ADAMTSL3: variants seen among roughly 807,000 people sequenced by gnomAD.
The protein encoded by ADAMTSL3 is ADAMTS like 3.
ADAMTSL3 carries 128 observed loss-of-function variants against 201.7 expected under a neutral mutation model. The observed-to-expected ratio is 0.63, with a 90% confidence interval of 0.55 to 0.73. The LOEUF is 0.73. Among genes scored for constraint, ADAMTSL3 ranks in the 30% least tolerant of loss-of-function variants. The probability of loss-of-function intolerance (pLI) is 0.00; values close to 1 mark genes in which losing one functional copy is unlikely to be tolerated. For missense variants in ADAMTSL3, 1,990 were observed against 2,119.6 expected, an observed-to-expected ratio of 0.94 and a Z score of 1.20; for synonymous variants, 738 against 748.4, an observed-to-expected ratio of 0.99 and a Z score of 0.23.
intron 3 of ADAMTSL3, among the ~76,000 whole-genome samples, chr15:83,736,125 CAG>C (rs56740573): frequency 0.014 from 2,166 of 152,298 alleles, 52 homozygotes; most frequent in African/African-American, 0.046. Flanking sequence ...TGTTCATAAA[CAG>C]GGGAAAGTGG....
intron 29 of ADAMTSL3, 72 bp downstream of exon 29, chr15:84,037,059 C>T (rs1248808460): frequency 1.6e-5 from 24 of 1,459,120 alleles, no homozygotes; most frequent in East Asian, 4.6e-5. Context: ...GCTACCATCA[C>T]GGCACCAAAC....
intron 3 of ADAMTSL3, 103 bp from the exon 4 acceptor site, chr15:83,773,419 AG>A: frequency 7.9e-7 from 1 of 1,265,770 alleles, no homozygotes; most frequent in Non-Finnish European, 1.1e-6. Flanking sequence ...AAAAAAAAAA[AG>A]GTGACTCTGG....
intron 2 of ADAMTSL3, among the ~76,000 whole-genome samples, chr15:83,659,081 T>A (rs1037363244): frequency 3.9e-5 from 6 of 152,328 alleles, no homozygotes; most frequent in African/African-American, 1.4e-4. Flanking sequence ...CGGGAGGTGC[T>A]GTACTGTTTA....
rs1371596583 is a variant in ADAMTSL3, at chr15:83,899,619, C to T, written c.1616-28C>T. 3.1e-6 allele frequency: 5 copies of T among 1,598,754 alleles called. No individual in the cohort carries two copies. In the Admixed American group the frequency reaches 6.7e-5, roughly 22 times the overall value. ...TCCTTAATGATTAATAGTAATTAGG[C>T]TCATTGTTTATGTTCTCTTTTTCTT... On this transcript the variant is annotated intron_variant, in intron 14 of 29. Transcript: ENST00000286744.
At chr15:83,657,234 T>G (rs2061099622) in intron 2 of ADAMTSL3, among the ~76,000 whole-genome samples, 1 of 152,150 alleles carries the variant, frequency 6.6e-6, no homozygotes, top group Non-Finnish European at 1.5e-5. Flanking sequence ...TCATTTTGCC[T>G]TCTTTCACCT....
chr15:84,027,018 T>C (rs1375959924), intron 27 of ADAMTSL3, among the ~76,000 whole-genome samples: 1 of 152,162 alleles, frequency 6.6e-6, no homozygotes, highest in Non-Finnish European at 1.5e-5. Context: ...TTAAAAATTG[T>C]ATATCAAAAA....
intron 16 of ADAMTSL3, among the ~76,000 whole-genome samples, chr15:83,920,535 T>C (rs1216418581): frequency 6.6e-6 from 1 of 152,232 alleles, no homozygotes; most frequent in Non-Finnish European, 1.5e-5. Flanking sequence ...TTTTCATTAC[T>C]CGGGACTTTA....
chr15:84,016,364 T>C lies in ADAMTSL3; in HGVS notation c.4157-19T>C. 1 of 1,578,892 alleles carries C rather than the reference T, an allele frequency of 6.3e-7. No homozygotes were observed. On this transcript the variant is annotated intron_variant, in intron 24 of 29. Coordinates refer to ENST00000286744, the MANE Select transcript of ADAMTSL3 (RefSeq NM_207517.3). Reference sequence around the variant, plus strand: ...GATAATGTCTAACTGGTAAAAGTGCTACTTTTTTTTTTCCTCAGAACGAAG... The same window carrying C: ...GATAATGTCTAACTGGTAAAAGTGCCACTTTTTTTTTTCCTCAGAACGAAG...
rs1567154149 is a variant in ADAMTSL3 at position 83,801,673 on chromosome 15, T to TAC, written c.318-2976_318-2975insCA. ...ATAAATATATATATATATATATATATATATATATATATATATATATATGTA... is the reference window on the plus strand; with the variant it reads ...ATAAATATATATATATATATATATATACATATATATATATATATATATATGTA... On this transcript the variant is annotated intron_variant, in intron 4 of 29. Transcript: ENST00000286744. 6.9e-5 allele frequency among the ~76,000 whole-genome samples: 5 copies of TAC among 72,598 alleles called. No individual in the cohort carries two copies. In the South Asian group the frequency reaches 2.5e-3, roughly 36 times the overall value. The allele number at this position is 72,598 out of a possible 152,430, so 47.6% of individuals were successfully genotyped here. A position where few individuals can be genotyped will look rare whatever the true frequency, so the allele number is the denominator to read the frequency against.
intron 5 of ADAMTSL3, among the ~76,000 whole-genome samples, chr15:83,806,827 T>C (rs1175264849): frequency 6.6e-6 from 1 of 152,148 alleles, no homozygotes; most frequent in East Asian, 1.9e-4. Flanking sequence ...CACTCCAGCC[T>C]GGGTGACAGA....
rs199882114 is a variant in ADAMTSL3, at chr15:83,704,489, C to T, written c.170C>T (p.Thr57Ile). 18 of 1,614,234 alleles carry T rather than the reference C, an allele frequency of 1.1e-5. No individual in the cohort carries two copies. In the East Asian group the frequency reaches 2.2e-4, roughly 20 times the overall value. Reference sequence around the variant, plus strand: ...GACACAACAGGGGAGCAGTTCCTCACTTATCGCTATGATGACCAGGTAAGA... The same window carrying T: ...GACACAACAGGGGAGCAGTTCCTCATTTATCGCTATGATGACCAGGTAAGA... ...LEDTTGEQFLTYRYDDQTSRN... is the reference protein window; with the variant it reads ...LEDTTGEQFLIYRYDDQTSRN... The change falls in exon 3 of 30, where the codon ACT (threonine) becomes ATT (isoleucine). Residue 57 changes from threonine to isoleucine, a missense_variant. By Grantham distance (89) the Thr-to-Ile change is moderately conservative. Transcript: ENST00000286744.
At position 83,948,867 on chromosome 15, in the gene ADAMTSL3, AT is replaced by A. The variant is rs544206979; in HGVS notation, c.2490+5790del. Reference sequence around the variant, plus strand: ...ATAACAATTCTTTTTGAATTTTTTTATTTTTAATTTTTGTGGGTATATAGTA... The same window carrying A: ...ATAACAATTCTTTTTGAATTTTTTTATTTTAATTTTTGTGGGTATATAGTA... On this transcript the variant is annotated intron_variant, in intron 19 of 29. Transcript: ENST00000286744. Among the ~76,000 whole-genome samples, 27 of 151,938 alleles carry A rather than the reference AT, an allele frequency of 1.8e-4. No homozygotes were observed. The South Asian group carries it at 5.6e-3, about 32-fold the overall frequency.
intron 20 of ADAMTSL3, among the ~76,000 whole-genome samples, chr15:83,977,292 C>G (rs1460295661): frequency 6.6e-6 from 1 of 152,098 alleles, no homozygotes; most frequent in Admixed American, 6.5e-5. Context: ...AAACTGTTTT[C>G]TATGAAACCA....
intron 3 of ADAMTSL3, among the ~76,000 whole-genome samples, chr15:83,743,931 A>C (rs1303607433): frequency 6.6e-6 from 1 of 150,798 alleles, no homozygotes; most frequent in Non-Finnish European, 1.5e-5. Flanking sequence ...GTTCACTGCA[A>C]GCTCTGCCTC....
chr15:83,940,814 A>T (rs1241823122), intron 17 of ADAMTSL3, among the ~76,000 whole-genome samples: 1 of 152,190 alleles, frequency 6.6e-6, no homozygotes, highest in Non-Finnish European at 1.5e-5. Context: ...TAATATGCAT[A>T]AAATAAAATA....
chr15:83,813,096 G>A (rs909260993), intron 5 of ADAMTSL3, among the ~76,000 whole-genome samples: 1 of 152,232 alleles, frequency 6.6e-6, no homozygotes, highest in East Asian at 1.9e-4. Context: ...TTAGCAACAC[G>A]TGAGCACAAG....
chr15:83,906,018 A>C (rs1596384993), intron 15 of ADAMTSL3, among the ~76,000 whole-genome samples: 4 of 152,224 alleles, frequency 2.6e-5, no homozygotes, highest in Admixed American at 1.3e-4. Context: ...ATTTTTTCCA[A>C]GTAATTAACC....
chr15:83,796,470 A>T (rs1035616797), intron 4 of ADAMTSL3, among the ~76,000 whole-genome samples: 1 of 152,196 alleles, frequency 6.6e-6, no homozygotes, highest in African/African-American at 2.4e-5. Context: ...AATGTGTAAG[A>T]CCTTTATGGA....
intron 2 of ADAMTSL3, among the ~76,000 whole-genome samples, chr15:83,657,729 G>C (rs566468542): frequency 2.0e-5 from 3 of 152,348 alleles, no homozygotes; most frequent in Admixed American, 6.5e-5. Context: ...TTCTGGTGTA[G>C]AGCCTGTAGG....
Sources: allele counts gnomAD v4.1 joint callset (sites outside exome capture counted in the v4.1 genomes callset), GRCh38; gene constraint gnomAD v4.1.1; transcripts MANE v1.5; gene names NCBI Gene and HGNC (gene_info 2026-07-23, HGNC 2026-07-21).